The following UVRAG variants were observed in gnomAD, a reference collection of about 807,000 sequenced individuals.
The protein encoded by UVRAG is UV radiation resistance-associated gene protein.
A neutral mutation model predicts 78.0 loss-of-function variants in UVRAG; 19 were observed. The ratio of observed to expected loss-of-function variants is 0.24; its 90% CI spans 0.17 to 0.36. The LOEUF (loss-of-function observed/expected upper bound fraction) is 0.36. Among genes scored for constraint, UVRAG ranks in the 10% least tolerant of loss-of-function variants. The pLI, the probability that UVRAG is intolerant of heterozygous loss-of-function variation, is 1.00. For synonymous variants in UVRAG, 323 were observed against 324.6 expected (o/e 1.00, Z 0.05); for missense variants, 740 against 853.8 (o/e 0.87, Z 1.66).
intron 4 of UVRAG, among the ~76,000 whole-genome samples, chr11:75,883,539 G>A (rs1189317023): frequency 3.9e-5 from 6 of 152,166 alleles, no homozygotes; most frequent in African/African-American, 1.4e-4. Context: ...GGAGGAACAT[G>A]AGGCTAAGAT....
At chr11:75,938,458 TTG>T (rs1198817856) in intron 6 of UVRAG, among the ~76,000 whole-genome samples, 1 of 152,230 alleles carries the variant, frequency 6.6e-6, no homozygotes, top group African/African-American at 2.4e-5. Context: ...TTGGATATTT[TTG>T]TGTTCCTATA....
chr11:75,849,255 C>T (rs1946101086), intron 1 of UVRAG, among the ~76,000 whole-genome samples: 1 of 151,212 alleles, frequency 6.6e-6, no homozygotes, highest in Non-Finnish European at 1.5e-5. Flanking sequence ...CCTGTAATCC[C>T]AGCACTTTGG....
intron 8 of UVRAG, among the ~76,000 whole-genome samples, chr11:75,996,400 A>G (rs1462879088): frequency 6.6e-6 from 1 of 152,190 alleles, no homozygotes; most frequent in Non-Finnish European, 1.5e-5. Context: ...AACACTTTCA[A>G]AGAACCAGAC....
intron 14 of UVRAG, among the ~76,000 whole-genome samples, chr11:76,131,735 T>G (rs1952515556): frequency 3.3e-5 from 5 of 152,188 alleles, no homozygotes; most frequent in Admixed American, 2.6e-4. Flanking sequence ...GTACTTACAC[T>G]TATCTGGTAA....
intron 14 of UVRAG, among the ~76,000 whole-genome samples, chr11:76,127,708 G>A (rs1952435015): frequency 6.6e-6 from 1 of 151,742 alleles, no homozygotes; most frequent in Admixed American, 6.6e-5. Flanking sequence ...TGTAATCCCA[G>A]CACTTTAGGA....
chr11:75,995,237 C>T (rs1414251796), intron 8 of UVRAG, among the ~76,000 whole-genome samples: 1 of 148,350 alleles, frequency 6.7e-6, no homozygotes, highest in African/African-American at 2.5e-5. Context: ...CTGTTTAATA[C>T]TGAAAAGCCA....
intron 8 of UVRAG, among the ~76,000 whole-genome samples, chr11:75,992,492 C>G (rs2135302268): frequency 6.6e-6 from 1 of 152,198 alleles, no homozygotes; most frequent in South Asian, 2.1e-4. Context: ...ACTTTGGTTC[C>G]TAACATAAGT....
chr11:75,980,762 A>C (rs767681658), intron 7 of UVRAG, among the ~76,000 whole-genome samples: 4 of 150,348 alleles, frequency 2.7e-5, no homozygotes, highest in African/African-American at 9.9e-5. Context: ...ACTAACTGCA[A>C]CCTCCACCTC....
At chr11:76,114,144 C>A (rs1033380387) in intron 13 of UVRAG, among the ~76,000 whole-genome samples, 66 of 151,902 alleles carry the variant, frequency 4.3e-4, no homozygotes, top group African/African-American at 1.6e-3. Context: ...CATGTGTAAA[C>A]GATTTCACTT....
intron 14 of UVRAG, among the ~76,000 whole-genome samples, chr11:76,127,630 G>A (rs148559929): frequency 0.044 from 5,464 of 123,704 alleles, 308 homozygotes; most frequent in African/African-American, 0.16. Flanking sequence ...ACAAAACTCC[G>A]TCTCAAAAAA....
intron 1 of UVRAG, among the ~76,000 whole-genome samples, chr11:75,823,593 C>T (rs1945447921): frequency 6.6e-6 from 1 of 152,188 alleles, no homozygotes; most frequent in Non-Finnish European, 1.5e-5. Context: ...CCTTGGCCTC[C>T]CAAAGCATTG....
rs1168070549 is a variant in UVRAG at position 76,141,650 on chromosome 11, C to A, written c.*237C>A. 4 of 537,882 alleles carry A rather than the reference C, an allele frequency of 7.4e-6. No homozygotes were observed. Among genetic ancestry groups the A allele is most frequent in the Admixed American group, 3.5e-5 (1 of 28,892 alleles). 33.3% of individuals were successfully genotyped at this position (537,882 alleles called of 1,614,324 possible). A position where few individuals can be genotyped will look rare whatever the true frequency, so the allele number is the denominator to read the frequency against. On this transcript the variant is annotated 3_prime_UTR_variant, in exon 15 of 15. Transcript: ENST00000356136. ...CCTGATGATTTTAAAGCAAAAATCACCCTCTAGTTGAAAGAGCTTACAGCT... is the reference window on the plus strand; with the variant it reads ...CCTGATGATTTTAAAGCAAAAATCAACCTCTAGTTGAAAGAGCTTACAGCT...
chr11:76,031,117 T>C (rs17810603), intron 12 of UVRAG, among the ~76,000 whole-genome samples: 4,188 of 152,264 alleles, frequency 0.028, 95 homozygotes, highest in South Asian at 0.073. Flanking sequence ...CTGTGACCCA[T>C]TGTTTTAACT....
intron 13 of UVRAG, among the ~76,000 whole-genome samples, chr11:76,084,215 T>G (rs1038931016): frequency 6.6e-6 from 1 of 152,232 alleles, no homozygotes; most frequent in Non-Finnish European, 1.5e-5. Flanking sequence ...TCAGTGACAT[T>G]AGTTTATATC....
At chr11:75,948,267 A>C (rs1948619484) in intron 6 of UVRAG, among the ~76,000 whole-genome samples, 1 of 152,146 alleles carries the variant, frequency 6.6e-6, no homozygotes, top group South Asian at 2.1e-4. Flanking sequence ...GAAGGACGCT[A>C]TTGAAATCTG....
At chr11:75,927,287 G>T (rs1406408495) in intron 6 of UVRAG, among the ~76,000 whole-genome samples, 1 of 152,006 alleles carries the variant, frequency 6.6e-6, no homozygotes, top group Admixed American at 6.6e-5. Flanking sequence ...CCAGACTGCT[G>T]TCTTAACTTC....
chr11:75,977,122 A>G (rs1277210455), intron 7 of UVRAG, among the ~76,000 whole-genome samples: 1 of 152,158 alleles, frequency 6.6e-6, no homozygotes, highest in Non-Finnish European at 1.5e-5. Context: ...TCATTTCATT[A>G]TGTACCCAGT....
At chr11:75,884,658 A>T (rs566188356) in intron 4 of UVRAG, among the ~76,000 whole-genome samples, 4 of 152,236 alleles carry the variant, frequency 2.6e-5, no homozygotes, top group African/African-American at 9.6e-5. Context: ...TTTGTTGCAA[A>T]GGCTATTATT....
chr11:76,094,840 A>G (rs667534), intron 13 of UVRAG, among the ~76,000 whole-genome samples: 44,868 of 152,006 alleles, frequency 0.3, 7,232 homozygotes, highest in Non-Finnish European at 0.37. Flanking sequence ...TATCAACTGT[A>G]GAGTTCACTA....
Sources: allele counts gnomAD v4.1 joint callset (sites outside exome capture counted in the v4.1 genomes callset), GRCh38; gene constraint gnomAD v4.1.1; transcripts MANE v1.5; gene names NCBI Gene and HGNC (gene_info 2026-07-23, HGNC 2026-07-21).